The following RAPGEF1 variants were observed in gnomAD, a reference collection of about 807,000 sequenced individuals.
RAPGEF1 encodes CRK SH3-binding GNRP.
In RAPGEF1, 33 loss-of-function variants were observed where a neutral mutation model predicts 143.3. That is an observed-to-expected ratio of 0.23 (90% CI 0.17 to 0.31). The LOEUF (loss-of-function observed/expected upper bound fraction) is 0.31. RAPGEF1 is among the 10% of genes least tolerant of loss of function. RAPGEF1 has a pLI of 1.00. For missense variants in RAPGEF1, 1,199 were observed against 1,645.4 expected, an observed-to-expected ratio of 0.73 and a Z score of 4.69; for synonymous variants, 629 against 676.5, an observed-to-expected ratio of 0.93 and a Z score of 1.09.
chr9:131,597,662 C>A (rs1205049289), intron 16 of RAPGEF1, among the ~76,000 whole-genome samples: 1 of 152,148 alleles, frequency 6.6e-6, no homozygotes. Flanking sequence ...TTTTCACCAA[C>A]GAGGTTCTGC....
intron 1 of RAPGEF1, among the ~76,000 whole-genome samples, chr9:131,673,786 TGAA>T (rs1296330911): frequency 1.3e-5 from 2 of 152,248 alleles, no homozygotes; most frequent in South Asian, 4.2e-4. Context: ...CCAGTGACCG[TGAA>T]GAAAAACATG....
chr9:131,702,445 C>A (rs1834729393), intron 1 of RAPGEF1, among the ~76,000 whole-genome samples: 1 of 152,228 alleles, frequency 6.6e-6, no homozygotes, highest in Admixed American at 6.5e-5. Context: ...ATTCTTAACA[C>A]CGATAATGGC....
At chr9:131,669,301 G>A (rs911414944) in intron 1 of RAPGEF1, among the ~76,000 whole-genome samples, 5 of 152,204 alleles carry the variant, frequency 3.3e-5, no homozygotes, top group Non-Finnish European at 4.4e-5. Context: ...GGAGCTGGCA[G>A]CCACAATCCC....
chr9:131,703,804 T>G (rs572374534), intron 1 of RAPGEF1, among the ~76,000 whole-genome samples: 42 of 152,334 alleles, frequency 2.8e-4, no homozygotes, highest in African/African-American at 1.0e-3. Context: ...TGGTCATTGA[T>G]GCACAGCCTG....
At chr9:131,719,794 G>A (rs565175562) in intron 1 of RAPGEF1, among the ~76,000 whole-genome samples, 2 of 151,520 alleles carry the variant, frequency 1.3e-5, no homozygotes, top group Non-Finnish European at 2.9e-5. Flanking sequence ...GTTAAGATTT[G>A]TACATAGTCA....
chr9:131,623,262 A>G (rs1057048656), intron 10 of RAPGEF1, among the ~76,000 whole-genome samples: 2 of 152,100 alleles, frequency 1.3e-5, no homozygotes, highest in Non-Finnish European at 2.9e-5. Context: ...CTAGTTCAAC[A>G]CCAGCCTGGG....
At chr9:131,668,679 T>C (rs959485228) in intron 1 of RAPGEF1, among the ~76,000 whole-genome samples, 1 of 152,200 alleles carries the variant, frequency 6.6e-6, no homozygotes, top group Non-Finnish European at 1.5e-5. Flanking sequence ...TTTCCATTAC[T>C]GTTAGGCATT....
At chr9:131,642,971 T>A (rs1968479441) in intron 4 of RAPGEF1, among the ~76,000 whole-genome samples, 1 of 152,174 alleles carries the variant, frequency 6.6e-6, no homozygotes. Context: ...TTGACGCAGT[T>A]AAGTTCTGCA....
chr9:131,589,573 C>T (rs2132252807), intron 19 of RAPGEF1, among the ~76,000 whole-genome samples: 1 of 152,350 alleles, frequency 6.6e-6, no homozygotes, highest in African/African-American at 2.4e-5. Context: ...ACACAGCCTC[C>T]ACCATGGCTG....
rs181004544 is a variant in RAPGEF1, at chr9:131,649,350, C to T, written c.315+779G>A. Among the ~76,000 whole-genome samples, 4 of 152,056 alleles carry T rather than the reference C, an allele frequency of 2.6e-5. No individual in the cohort carries two copies. In the East Asian group the frequency reaches 7.7e-4, roughly 29 times the overall value. On this transcript the variant is annotated intron_variant, in intron 3 of 26. Coordinates refer to ENST00000683357, the MANE Select transcript of RAPGEF1 (RefSeq NM_001377935.1). ...GATTATAGGCGTGAACCACTGTGCCCAGCCTAGTTTTATTTTTATGTAATG... is the reference window on the plus strand; with the variant it reads ...GATTATAGGCGTGAACCACTGTGCCTAGCCTAGTTTTATTTTTATGTAATG...
rs140743473 is a variant in RAPGEF1 at position 131,586,214 on chromosome 9, GCA to G, written c.3233+1520_3233+1521del. 6.8e-4 allele frequency among the ~76,000 whole-genome samples: 84 copies of G among 124,380 alleles called. 1 individual carries two copies. Among genetic ancestry groups the G allele is most frequent in the East Asian group, 1.5e-3 (6 of 3,938 alleles). The allele number at this position is 124,380 out of a possible 152,430, so 81.6% of individuals were successfully genotyped here. ...CCGTCTCAAACACACACACACGCACGCACACACACACACACACACCTGCAGAG... is the reference window on the plus strand; with the variant it reads ...CCGTCTCAAACACACACACACGCACGCACACACACACACACACCTGCAGAG... On this transcript the variant is annotated intron_variant, in intron 22 of 26. Transcript: ENST00000683357.
chr9:131,591,513 C>T (rs1254606442), intron 18 of RAPGEF1, among the ~76,000 whole-genome samples: 1 of 152,198 alleles, frequency 6.6e-6, no homozygotes, highest in Non-Finnish European at 1.5e-5. Context: ...CTGGGGTCCT[C>T]CTCAGCCACT....
intron 6 of RAPGEF1, 133 bp from the exon 7 acceptor site, chr9:131,629,387 G>T: frequency 1.1e-6 from 1 of 907,470 alleles, no homozygotes; most frequent in South Asian, 1.7e-5. Flanking sequence ...AGGCTCCCTG[G>T]ATATAGAACC....
chr9:131,697,447 C>T (rs1017278231), intron 1 of RAPGEF1, among the ~76,000 whole-genome samples: 1 of 152,228 alleles, frequency 6.6e-6, no homozygotes, highest in Non-Finnish European at 1.5e-5. Flanking sequence ...TGGCTTGCAG[C>T]GGCTCTAGCT....
chr9:131,661,529 C>G (rs1430591465), intron 1 of RAPGEF1, among the ~76,000 whole-genome samples: 4 of 152,076 alleles, frequency 2.6e-5, no homozygotes, highest in African/African-American at 9.7e-5. Flanking sequence ...GTGTGTTCAA[C>G]TTGCGAAAAT....
chr9:131,737,437 G>A (rs1398056038), intron 1 of RAPGEF1: 4 of 1,613,750 alleles, frequency 2.5e-6, no homozygotes, highest in Non-Finnish European at 2.5e-6. Context: ...GCTCGGTCTG[G>A]CAGCCTGGGT....
Position 131,630,261 on chromosome 9 carries a change from T to C in RAPGEF1, c.715A>G (p.Ser239Gly), listed in dbSNP as rs1964486587. 6.2e-7 allele frequency: 1 copy of C among 1,613,144 alleles called. No homozygotes were observed. Among genetic ancestry groups the C allele is most frequent in the African/African-American group, 1.3e-5 (1 of 74,820 alleles). Residue 239 changes from serine to glycine, a missense_variant, in exon 6 of 27, where the codon AGT (serine) becomes GGT (glycine). Around this residue, in one of 6 missense-constraint regions of RAPGEF1, gnomAD observed 613 missense variants for 710.9 expected, o/e 0.86. Coordinates refer to ENST00000683357, the MANE Select transcript of RAPGEF1 (RefSeq NM_001377935.1). Reference sequence around the variant, plus strand: ...CCATCAGGCTTGCTGGCAGGGGAACTGGGCTTCACGGGGCTCGTCGGAGAC... The same window carrying C: ...CCATCAGGCTTGCTGGCAGGGGAACCGGGCTTCACGGGGCTCGTCGGAGAC... Reference protein sequence around the residue: ...RPSPTSPVKPSSPASKPDGPA... With the variant: ...RPSPTSPVKPGSPASKPDGPA...
chr9:131,660,967 T>A (rs1973892893), intron 1 of RAPGEF1, among the ~76,000 whole-genome samples: 1 of 152,200 alleles, frequency 6.6e-6, no homozygotes, highest in Non-Finnish European at 1.5e-5. Context: ...CAATTTGTCA[T>A]CAGGAAGCAG....
chr9:131,658,206 C>T (rs1973046825), intron 1 of RAPGEF1, among the ~76,000 whole-genome samples: 1 of 152,192 alleles, frequency 6.6e-6, no homozygotes, highest in Non-Finnish European at 1.5e-5. Flanking sequence ...AAACAATTCT[C>T]CCAAGTGGCT....
Sources: allele counts gnomAD v4.1 joint callset (sites outside exome capture counted in the v4.1 genomes callset), GRCh38; gene constraint gnomAD v4.1.1; regional missense constraint gnomAD v4.1.1; transcripts MANE v1.5; gene names NCBI Gene and HGNC (gene_info 2026-07-23, HGNC 2026-07-21).